Variants in EXOC4 observed in about 807,000 individuals in gnomAD.
EXOC4 encodes the protein SEC8-like 1.
Under a neutral mutation model 107.2 loss-of-function variants are expected in EXOC4, and 71 were observed. That is an observed-to-expected ratio of 0.66 (90% CI 0.55 to 0.81). The LOEUF is 0.81. Among genes scored for constraint, EXOC4 ranks in the 30% least tolerant of loss-of-function variants. The pLI, the probability that EXOC4 is intolerant of heterozygous loss-of-function variation, is 0.00. For missense variants in EXOC4, 1,108 were observed against 1,189.6 expected, an observed-to-expected ratio of 0.93 and a Z score of 1.01; for synonymous variants, 456 against 441.2, an observed-to-expected ratio of 1.03 and a Z score of -0.42.
chr7:133,490,214 G>A (rs1013533870), intron 9 of EXOC4, among the ~76,000 whole-genome samples: 4 of 152,092 alleles, frequency 2.6e-5, no homozygotes, highest in Non-Finnish European at 5.9e-5. Context: ...GCATCATCCC[G>A]GACTTCTGCA....
At chr7:133,647,964 A>T (rs1380593663) in intron 10 of EXOC4, among the ~76,000 whole-genome samples, 2 of 152,330 alleles carry the variant, frequency 1.3e-5, no homozygotes, top group East Asian at 3.9e-4. Context: ...ATGTTGGTCC[A>T]GCCCAGTCAC....
intron 10 of EXOC4, among the ~76,000 whole-genome samples, chr7:133,641,725 T>A (rs1297700244): frequency 1.3e-5 from 2 of 152,168 alleles, no homozygotes. Flanking sequence ...GCTTTTTGCA[T>A]CTGTGAAAAA....
chr7:133,935,348 G>A (rs952478719), intron 13 of EXOC4, among the ~76,000 whole-genome samples: 1 of 152,076 alleles, frequency 6.6e-6, no homozygotes. Context: ...CTGCAAGAAG[G>A]GCAGGAAAAC....
intron 14 of EXOC4, among the ~76,000 whole-genome samples, chr7:133,985,648 A>G (rs1438948153): frequency 1.3e-5 from 2 of 152,180 alleles, no homozygotes; most frequent in East Asian, 3.9e-4. Context: ...GACATGTCAC[A>G]AACCACCCAT....
At chr7:133,928,921 CCT>C (rs1800111296) in intron 13 of EXOC4, among the ~76,000 whole-genome samples, 1 of 132,782 alleles carries the variant, frequency 7.5e-6, no homozygotes, top group South Asian at 2.6e-4. Context: ...AACAGTAGTA[CCT>C]TTTTTTTTTT....
intron 14 of EXOC4, among the ~76,000 whole-genome samples, chr7:133,939,247 GTAT>G (rs2116734083): frequency 6.6e-6 from 1 of 152,220 alleles, no homozygotes; most frequent in Non-Finnish European, 1.5e-5. Context: ...ATTTGAGAAG[GTAT>G]TATTACTTGA....
chr7:133,417,810 T>G (rs926775677), intron 7 of EXOC4, among the ~76,000 whole-genome samples: 3 of 152,172 alleles, frequency 2.0e-5, no homozygotes, highest in African/African-American at 7.2e-5. Flanking sequence ...TTGGCTTCTT[T>G]AAAATAAAAA....
intron 11 of EXOC4, among the ~76,000 whole-genome samples, chr7:133,820,548 CA>C (rs1332057937): frequency 6.6e-6 from 1 of 152,016 alleles, no homozygotes; most frequent in Non-Finnish European, 1.5e-5. Context: ...GCTGAGAATC[CA>C]AAACAAATGT....
chr7:133,465,207 A>T (rs1302541096), intron 7 of EXOC4, among the ~76,000 whole-genome samples: 1 of 152,188 alleles, frequency 6.6e-6, no homozygotes, highest in Non-Finnish European at 1.5e-5. Context: ...AAATAGGTAG[A>T]ATGAACTTTA....
chr7:133,482,998 C>CT (rs1296979645), intron 9 of EXOC4, among the ~76,000 whole-genome samples: 3 of 152,226 alleles, frequency 2.0e-5, no homozygotes, highest in Non-Finnish European at 4.4e-5. Context: ...GTGGCCCCTG[C>CT]TGTGTGTTAC....
chr7:133,550,509 A>T (rs1378186785), intron 9 of EXOC4, among the ~76,000 whole-genome samples: 2 of 152,214 alleles, frequency 1.3e-5, no homozygotes, highest in Non-Finnish European at 1.5e-5. Flanking sequence ...TCTCAGAGCA[A>T]ATCTAGCATT....
the EXOC4 span, among the ~76,000 whole-genome samples, chr7:134,081,067 G>T: frequency 6.6e-6 from 1 of 152,080 alleles, no homozygotes; most frequent in South Asian, 2.1e-4. Context: ...CCCTGGCCAG[G>T]CATGGTGGCT....
At chr7:133,827,954 G>T (rs1403925355) in intron 11 of EXOC4, among the ~76,000 whole-genome samples, 1 of 152,056 alleles carries the variant, frequency 6.6e-6, no homozygotes, top group East Asian at 1.9e-4. Context: ...GGAAGTCTCT[G>T]AGATTACTTT....
At chr7:133,861,808 A>G (rs904605987) in intron 11 of EXOC4, among the ~76,000 whole-genome samples, 3 of 152,200 alleles carry the variant, frequency 2.0e-5, no homozygotes, top group Admixed American at 6.6e-5. Context: ...TGCTGGGATT[A>G]TAGGCGTGAG....
At chr7:133,583,293 C>T (rs556893576) in intron 9 of EXOC4, among the ~76,000 whole-genome samples, 2 of 152,232 alleles carry the variant, frequency 1.3e-5, no homozygotes, top group South Asian at 2.1e-4. Context: ...AATATTACTC[C>T]GATAATCTCT....
intron 6 of EXOC4, among the ~76,000 whole-genome samples, chr7:133,372,266 G>A (rs139766057): frequency 1.3e-5 from 2 of 152,226 alleles, no homozygotes; most frequent in East Asian, 3.9e-4. Context: ...GTTGTGCTTC[G>A]GTAAGGCGGA....
At chr7:133,304,673 G>C (rs958031559) in intron 3 of EXOC4, among the ~76,000 whole-genome samples, 1 of 152,178 alleles carries the variant, frequency 6.6e-6, no homozygotes, top group African/African-American at 2.4e-5. Flanking sequence ...GACTGCTGTA[G>C]TTGTGTGATC....
intron 14 of EXOC4, among the ~76,000 whole-genome samples, chr7:133,990,420 C>T (rs1348478310): frequency 1.3e-5 from 2 of 152,026 alleles, no homozygotes; most frequent in African/African-American, 2.4e-5. Context: ...CCTTCAGTTC[C>T]ATCCATGTTG....
intron 2 of EXOC4, among the ~76,000 whole-genome samples, chr7:133,275,795 G>A (rs573378475): frequency 2.0e-5 from 3 of 151,254 alleles, no homozygotes; most frequent in Non-Finnish European, 4.4e-5. Context: ...AAAATGAAAT[G>A]TTTATGAGAA....
Sources: allele counts gnomAD v4.1 joint callset (sites outside exome capture counted in the v4.1 genomes callset), GRCh38; gene constraint gnomAD v4.1.1; transcripts MANE v1.5; gene names NCBI Gene and HGNC (gene_info 2026-07-23, HGNC 2026-07-21).